The following OR2I1 variants were observed in gnomAD, a reference collection of about 807,000 sequenced individuals.
OR2I1 encodes the protein putative olfactory receptor 2I1.
the OR2I1 span, chr6:29,553,061 T>C: frequency 2.5e-6 from 1 of 396,970 alleles, no homozygotes; most frequent in Non-Finnish European, 4.4e-6. Context: ...TTTTAAGTAA[T>C]CTCATCTGTA....
chr6:29,552,576 A>G, the OR2I1 span, among the ~76,000 whole-genome samples: 2 of 151,064 alleles, frequency 1.3e-5, no homozygotes, highest in African/African-American at 2.4e-5. Flanking sequence ...AGTTTATTTG[A>G]GCAGTGATCC....
At chr6:29,556,112 G>A in the OR2I1 span, 30 of 1,612,982 alleles carry the variant, frequency 1.9e-5, no homozygotes, top group Middle Eastern at 3.3e-4. Context: ...AAGAAACAAG[G>A]GCAGCTCCTC....
chr6:29,551,157 A>G, the OR2I1 span, among the ~76,000 whole-genome samples: 3,948 of 152,302 alleles, frequency 0.026, 143 homozygotes, highest in African/African-American at 0.075. Flanking sequence ...CTGAACAGTT[A>G]TGTGTCCGTG....
the OR2I1 span, chr6:29,554,801 G>GA: frequency 6.6e-6 from 1 of 152,160 alleles, no homozygotes; most frequent in Non-Finnish European, 1.5e-5. Flanking sequence ...CTCAGCCCGT[G>GA]AAAAAAACTC....
chr6:29,555,082 G>C, the OR2I1 span: 1 of 152,276 alleles, frequency 6.6e-6, no homozygotes, highest in Non-Finnish European at 1.5e-5. Flanking sequence ...GCAGGTAGGA[G>C]AGAGGGTGGT....
At chr6:29,553,514 A>C in the OR2I1 span, 1 of 398,634 alleles carries the variant, frequency 2.5e-6, no homozygotes, top group East Asian at 3.6e-5. Flanking sequence ...TGCACGGCCC[A>C]GCTGTGCGCA....
the OR2I1 span, chr6:29,552,900 G>A: frequency 1.4e-5 from 3 of 216,190 alleles, no homozygotes; most frequent in Non-Finnish European, 2.7e-5. Context: ...GGCTCTGTCT[G>A]CTCAAGGATT....
the OR2I1 span, chr6:29,555,075 G>A: frequency 6.6e-6 from 1 of 152,270 alleles, no homozygotes; most frequent in African/African-American, 2.4e-5. Flanking sequence ...CCCTAAGGCA[G>A]GTAGGAGAGA....
the OR2I1 span, among the ~76,000 whole-genome samples, chr6:29,551,571 C>T: frequency 9.2e-5 from 14 of 152,340 alleles, no homozygotes; most frequent in African/African-American, 3.1e-4. Context: ...AGTTGTATCA[C>T]TGCCTAGCAT....
chr6:29,555,938 T>C, the OR2I1 span: 3 of 1,613,112 alleles, frequency 1.9e-6, no homozygotes, highest in Non-Finnish European at 1.7e-6. Context: ...GATGCCGTAA[T>C]CTGCCATCAT....
chr6:29,556,300 T>G, the OR2I1 span: 1 of 1,613,030 alleles, frequency 6.2e-7, no homozygotes, highest in Non-Finnish European at 8.5e-7. Context: ...CGCTGTCATA[T>G]GGGTTGGCAT....
chr6:29,554,304 T>C, the OR2I1 span: 2 of 397,396 alleles, frequency 5.0e-6, no homozygotes, highest in Non-Finnish European at 4.4e-6. Flanking sequence ...ATGGGGGATA[T>C]GTTTTCCTCC....
At chr6:29,551,667 G>T in the OR2I1 span, among the ~76,000 whole-genome samples, 3 of 152,206 alleles carry the variant, frequency 2.0e-5, no homozygotes, top group Admixed American at 6.5e-5. Flanking sequence ...GTTAACAACT[G>T]CTATGTGCCA....
the OR2I1 span, among the ~76,000 whole-genome samples, chr6:29,551,935 T>C: frequency 6.6e-6 from 1 of 152,212 alleles, no homozygotes; most frequent in African/African-American, 2.4e-5. Flanking sequence ...GGAGCAGTGT[T>C]TTTTCCCTCT....
the OR2I1 span, chr6:29,553,602 G>C: frequency 2.5e-6 from 1 of 398,254 alleles, no homozygotes; most frequent in Non-Finnish European, 4.4e-6. Context: ...TGTGCCGCCC[G>C]CTGCGCTATG....
the OR2I1 span, chr6:29,555,571 G>A: frequency 6.4e-5 from 22 of 344,570 alleles, no homozygotes; most frequent in Non-Finnish European, 6.8e-5. Context: ...AGGAGTTTTT[G>A]CATAAATAAC....
At chr6:29,553,059 A>T in the OR2I1 span, 2 of 396,430 alleles carry the variant, frequency 5.0e-6, no homozygotes, top group East Asian at 3.6e-5. Context: ...ATTTTTAAGT[A>T]ATCTCATCTG....
the OR2I1 span, chr6:29,553,091 A>G: frequency 2.5e-6 from 1 of 397,524 alleles, no homozygotes; most frequent in East Asian, 3.6e-5. Flanking sequence ...ACAATCCACA[A>G]ACTGACCTTG....
the OR2I1 span, chr6:29,556,185 A>G: frequency 1.2e-6 from 2 of 1,613,078 alleles, no homozygotes; most frequent in Non-Finnish European, 1.7e-6. Context: ...ATGCCATAAG[A>G]TGAGAGGCTT....
Sources: gnomAD v4.1 joint callset for allele counts (sites outside exome capture counted in the v4.1 genomes callset) on GRCh38, gnomAD v4.1.1 for gene constraint, MANE v1.5 for transcripts, NCBI Gene and HGNC (gene_info 2026-07-23, HGNC 2026-07-21) for gene names.